Variants in C20orf203 observed in about 807,000 individuals in gnomAD.
The protein encoded by C20orf203 is chromosome 20 open reading frame 203, also known as uncharacterized protein C20orf203.
A neutral mutation model predicts 15.9 loss-of-function variants in C20orf203; 16 were observed. That is an observed-to-expected ratio of 1.01 (90% CI 0.68 to 1.53). C20orf203 has a LOEUF of 1.53. Among genes scored for constraint, C20orf203 ranks in the 40% most tolerant of loss-of-function variants. The pLI is 0.00. For synonymous variants in C20orf203, 98 were observed against 97.2 expected, an observed-to-expected ratio of 1.01 and a Z score of -0.05; for missense variants, 263 against 247.5, an observed-to-expected ratio of 1.06 and a Z score of -0.42.
intron 1 of C20orf203, among the ~76,000 whole-genome samples, chr20:32,666,797 T>TATATATATATATA (rs1983040452): frequency 1.5e-5 from 1 of 65,594 alleles, no homozygotes; most frequent in Non-Finnish European, 3.6e-5. Context: ...TAATTTTAAT[T>TATATATATATATA]TATATATATA....
chr20:32,650,093 A>C lies in C20orf203; in HGVS notation c.*339T>G. On this transcript the variant is annotated 3_prime_UTR_variant, in exon 4 of 6. Coordinates refer to ENST00000608990, the MANE Select transcript of C20orf203 (RefSeq NM_182584.4). ...AGGAGTACTGCAGCCTCCTCCCAGC[A>C]CTCAGGGACCAAGCCAGAGAGATGT... 1 of 268,564 alleles carries C rather than the reference A, an allele frequency of 3.7e-6. No individual in the cohort carries two copies. 16.6% of individuals were successfully genotyped at this position (268,564 alleles called of 1,614,324 possible).
chr20:32,671,035 G>C (rs1456209577), intron 1 of C20orf203, among the ~76,000 whole-genome samples: 1 of 151,198 alleles, frequency 6.6e-6, no homozygotes, highest in Non-Finnish European at 1.5e-5. Context: ...AAAAACAACA[G>C]TGTTGGCAAG....
intron 4 of C20orf203, among the ~76,000 whole-genome samples, chr20:32,644,826 T>A (rs995484757): frequency 3.3e-5 from 5 of 151,978 alleles, no homozygotes; most frequent in Non-Finnish European, 7.4e-5. Flanking sequence ...GCACCAGTGA[T>A]GTGTCATGCA....
At position 32,650,380 on chromosome 20, in the gene C20orf203, G is replaced by T; in HGVS notation, c.*52C>A. The T allele has an allele frequency of 7.5e-7, 1 of 1,330,698 alleles. No individual in the cohort carries two copies. Among genetic ancestry groups the T allele is most frequent in the Non-Finnish European group, 1.0e-6 (1 of 958,576 alleles). 82.4% of individuals were successfully genotyped at this position (1,330,698 alleles called of 1,614,324 possible). On this transcript the variant is annotated 3_prime_UTR_variant, in exon 4 of 6. Coordinates refer to ENST00000608990, the MANE Select transcript of C20orf203 (RefSeq NM_182584.4). ...CAGGGGACACCCTGAGGTGGTGGTG[G>T]CCTTGGTAGGACAGGCAGGCAGAGC...
chr20:32,669,344 T>G (rs144755613), intron 1 of C20orf203, among the ~76,000 whole-genome samples: 84 of 152,256 alleles, frequency 5.5e-4, no homozygotes, highest in African/African-American at 1.9e-3. Flanking sequence ...AGGACACAGA[T>G]CCTATGGCCC....
At chr20:32,641,333 CAAAA>C (rs71338447) in intron 4 of C20orf203, among the ~76,000 whole-genome samples, 1 of 56,998 alleles carries the variant, frequency 1.8e-5, no homozygotes, top group African/African-American at 6.8e-5. Flanking sequence ...CTCAAAAACT[CAAAA>C]AAAAAAAAAA....
At chr20:32,638,846 C>G (rs1982204288) in intron 5 of C20orf203, among the ~76,000 whole-genome samples, 1 of 151,174 alleles carries the variant, frequency 6.6e-6, no homozygotes, top group Admixed American at 6.6e-5. Context: ...ATCCCCTGTC[C>G]CAGGCCCCTC....
At chr20:32,640,411 G>T (rs1235573553) in intron 5 of C20orf203, among the ~76,000 whole-genome samples, 155 bp downstream of exon 5, 2 of 152,120 alleles carry the variant, frequency 1.3e-5, no homozygotes, top group Non-Finnish European at 2.9e-5. Context: ...GCATTCTCAG[G>T]CCGGGCACAG....
chr20:32,666,157 A>AAAAAAAAAAAAAAAAAAAAAT (rs1983018698), intron 1 of C20orf203, among the ~76,000 whole-genome samples: 2 of 28,994 alleles, frequency 6.9e-5, no homozygotes, highest in African/African-American at 3.0e-4. Flanking sequence ...AAATAAAGTA[A>AAAAAAAAAAAAAAAAAAAAAT]AAAAAAAAAA....
intron 1 of C20orf203, among the ~76,000 whole-genome samples, chr20:32,671,840 CAAAAAAAAA>C (rs869043468): frequency 1.5e-5 from 1 of 66,308 alleles, no homozygotes; most frequent in Non-Finnish European, 2.6e-5. Context: ...ACTCTGTCTC[CAAAAAAAAA>C]AAAAAAAAAA....
chr20:32,673,117 G>C (rs60992454), intron 1 of C20orf203, among the ~76,000 whole-genome samples: 14 of 152,164 alleles, frequency 9.2e-5, no homozygotes, highest in Non-Finnish European at 8.8e-5. Flanking sequence ...ACCCTGGGGC[G>C]GGTGAGGAGA....
chr20:32,659,752 T>G (rs1434226772), intron 1 of C20orf203, among the ~76,000 whole-genome samples: 1 of 152,098 alleles, frequency 6.6e-6, no homozygotes, highest in Non-Finnish European at 1.5e-5. Context: ...CAGGAAGAGG[T>G]GCAAGCCAGA....
chr20:32,650,668 G>T lies in C20orf203; in HGVS notation c.349C>A (p.Arg117=), dbSNP rs778706898. ...CCCCTCCCCACTTCCCTATCTCTCC[G>T]ACCCACCTTGCTGAGCCTGAGGCCT... is the stretch of plus-strand genomic sequence containing the variant. ...VGGLRLSKVG[R]RDREVGRGLR... is the part of the protein sequence containing the mutation. Residue 117 remains arginine, a synonymous_variant, in exon 4 of 6, where the codon CGG becomes AGG. Transcript: ENST00000608990. 2 of 1,546,232 alleles carry T rather than the reference G, an allele frequency of 1.3e-6. No homozygotes were observed. The highest frequency in any genetic ancestry group is 1.2e-5 in the South Asian group (1 of 83,816).
intron 4 of C20orf203, among the ~76,000 whole-genome samples, chr20:32,643,614 G>A (rs576807992): frequency 2.0e-4 from 28 of 142,284 alleles, no homozygotes; most frequent in Admixed American, 5.0e-4. Context: ...AGACCCAGCC[G>A]CTTCCTGGAA....
intron 1 of C20orf203, chr20:32,656,912 A>G (rs994452438): frequency 6.6e-6 from 1 of 151,932 alleles, no homozygotes; most frequent in Admixed American, 6.6e-5. Context: ...TTCCCCCAAA[A>G]TAGAAACAAC....
chr20:32,654,952 A>C (rs1156395312), intron 1 of C20orf203, among the ~76,000 whole-genome samples: 1 of 152,210 alleles, frequency 6.6e-6, no homozygotes, highest in Non-Finnish European at 1.5e-5. Context: ...TGGCATAAGG[A>C]CAGACATAGA....
At chr20:32,661,357 G>T (rs1331365422) in intron 1 of C20orf203, among the ~76,000 whole-genome samples, 2 of 152,168 alleles carry the variant, frequency 1.3e-5, no homozygotes, top group Non-Finnish European at 2.9e-5. Context: ...CACTTGACTT[G>T]GTCTGTATTT....
At chr20:32,646,773 T>A (rs1285458373) in intron 4 of C20orf203, among the ~76,000 whole-genome samples, 1 of 152,258 alleles carries the variant, frequency 6.6e-6, no homozygotes, top group Non-Finnish European at 1.5e-5. Flanking sequence ...GCTGATTACA[T>A]GATGACTGCA....
At chr20:32,655,013 C>T (rs1027994321) in intron 1 of C20orf203, among the ~76,000 whole-genome samples, 1 of 152,176 alleles carries the variant, frequency 6.6e-6, no homozygotes, top group African/African-American at 2.4e-5. Flanking sequence ...TAAACCCTCA[C>T]ATTTGGTTCA....
Sources: gnomAD v4.1 joint callset for allele counts (sites outside exome capture counted in the v4.1 genomes callset) on GRCh38, gnomAD v4.1.1 for gene constraint, MANE v1.5 for transcripts, NCBI Gene and HGNC (gene_info 2026-07-23, HGNC 2026-07-21) for gene names.